The following OXR1 variants were observed in gnomAD, a reference collection of about 807,000 sequenced individuals.
OXR1 encodes the protein oxidation resistance 1.
Under a neutral mutation model 104.6 loss-of-function variants are expected in OXR1, and 41 were observed. That is an observed-to-expected ratio of 0.39 (90% CI 0.31 to 0.51). The LOEUF (loss-of-function observed/expected upper bound fraction) is 0.51, where lower values mean the gene tolerates loss of function less well. Among genes scored for constraint, OXR1 ranks in the 20% least tolerant of loss-of-function variants. The pLI, the probability that OXR1 is intolerant of heterozygous loss-of-function variation, is 0.77. For missense variants in OXR1, 955 were observed against 1,031.9 expected, an observed-to-expected ratio of 0.93 and a Z score of 1.02; for synonymous variants, 348 against 348.4, an observed-to-expected ratio of 1.00 and a Z score of 0.01.
At chr8:106,317,800 A>C (rs919159050) in intron 1 of OXR1, among the ~76,000 whole-genome samples, 2 of 151,918 alleles carry the variant, frequency 1.3e-5, no homozygotes, top group Non-Finnish European at 2.9e-5. Flanking sequence ...ATTCCAAAAA[A>C]AAAAAACAAA....
chr8:106,652,501 AAAC>A (rs1409830166), intron 3 of OXR1, among the ~76,000 whole-genome samples: 21 of 152,250 alleles, frequency 1.4e-4, no homozygotes, highest in African/African-American at 5.1e-4. Context: ...TGTGGAAATT[AAAC>A]AACATACTCC....
At chr8:106,726,367 TA>T in intron 11 of OXR1, 1 of 861,022 alleles carries the variant, frequency 1.2e-6, no homozygotes, top group Non-Finnish European at 1.7e-6. Context: ...ATGGTGACAT[TA>T]TGAAAAATTA....
intron 2 of OXR1, among the ~76,000 whole-genome samples, chr8:106,377,206 C>T (rs763082416): frequency 2.2e-4 from 34 of 151,832 alleles, no homozygotes; most frequent in Non-Finnish European, 4.4e-4. Context: ...TTTTTTGAGA[C>T]AGGGTTTCCC....
intron 11 of OXR1, among the ~76,000 whole-genome samples, chr8:106,719,980 G>T (rs908986030): frequency 2.6e-5 from 4 of 151,900 alleles, no homozygotes; most frequent in African/African-American, 9.7e-5. Context: ...TAATTTTTTT[G>T]TATTTTTAGT....
intron 1 of OXR1, among the ~76,000 whole-genome samples, chr8:106,299,519 G>C (rs950765404): frequency 1.3e-5 from 2 of 152,150 alleles, no homozygotes; most frequent in African/African-American, 2.4e-5. Flanking sequence ...CAGGGCAACT[G>C]TTCCATCTGA....
intron 3 of OXR1, among the ~76,000 whole-genome samples, chr8:106,669,720 T>C (rs940099479): frequency 1.3e-5 from 2 of 152,234 alleles, no homozygotes; most frequent in African/African-American, 4.8e-5. Flanking sequence ...TAGGAGTCTT[T>C]TATTACATTA....
At chr8:106,652,463 A>G (rs1824667996) in intron 3 of OXR1, among the ~76,000 whole-genome samples, 1 of 152,114 alleles carries the variant, frequency 6.6e-6, no homozygotes, top group Non-Finnish European at 1.5e-5. Context: ...AGTCAAAAAC[A>G]CAAAGAAATT....
intron 2 of OXR1, among the ~76,000 whole-genome samples, chr8:106,437,391 G>C (rs1819621600): frequency 6.6e-6 from 1 of 152,084 alleles, no homozygotes; most frequent in African/African-American, 2.4e-5. Context: ...CAAAATAAAG[G>C]ATATTTAGCA....
At chr8:106,490,218 G>A (rs569188740) in intron 2 of OXR1, among the ~76,000 whole-genome samples, 77 of 152,282 alleles carry the variant, frequency 5.1e-4, no homozygotes, top group African/African-American at 1.7e-3. Context: ...CCTGCTTAAA[G>A]TATTTGAAAG....
chr8:106,626,593 GTT>G (rs34772744), intron 3 of OXR1, among the ~76,000 whole-genome samples: 140 of 141,902 alleles, frequency 9.9e-4, no homozygotes, highest in African/African-American at 1.4e-3. Flanking sequence ...ATTTTCTTAG[GTT>G]TTTTTTTTTT....
intron 3 of OXR1, among the ~76,000 whole-genome samples, chr8:106,631,769 C>A (rs984880236): frequency 6.6e-6 from 1 of 152,078 alleles, no homozygotes; most frequent in African/African-American, 2.4e-5. Flanking sequence ...AGATTTGATT[C>A]TAATAAGGTC....
chr8:106,555,393 A>G (rs963833609), intron 3 of OXR1, among the ~76,000 whole-genome samples: 2 of 152,154 alleles, frequency 1.3e-5, no homozygotes, highest in Non-Finnish European at 2.9e-5. Flanking sequence ...GTATTTTAAC[A>G]TTCACTCAAG....
chr8:106,688,304 T>A (rs760101520), intron 6 of OXR1, among the ~76,000 whole-genome samples: 2 of 152,084 alleles, frequency 1.3e-5, no homozygotes, highest in Non-Finnish European at 2.9e-5. Flanking sequence ...ATGCAGATAG[T>A]CATATTCTCT....
At chr8:106,626,696 C>T (rs1822199833) in intron 3 of OXR1, among the ~76,000 whole-genome samples, 1 of 151,014 alleles carries the variant, frequency 6.6e-6, no homozygotes, top group Non-Finnish European at 1.5e-5. Flanking sequence ...CTCAAAGCTG[C>T]TTTCCTGATT....
At chr8:106,615,473 A>C (rs1157296636) in intron 3 of OXR1, among the ~76,000 whole-genome samples, 2 of 151,772 alleles carry the variant, frequency 1.3e-5, no homozygotes, top group Non-Finnish European at 2.9e-5. Flanking sequence ...GGTGGCAAGC[A>C]CTTAAAGCCC....
intron 7 of OXR1, among the ~76,000 whole-genome samples, chr8:106,694,558 TTA>T (rs1270554928): frequency 7.9e-6 from 1 of 126,964 alleles, no homozygotes; most frequent in African/African-American, 3.0e-5. Flanking sequence ...ATAAATATGT[TTA>T]TATATATTTG....
chr8:106,726,111 C>A, intron 11 of OXR1: 1 of 1,380,372 alleles, frequency 7.2e-7, no homozygotes, highest in Non-Finnish European at 9.4e-7. Flanking sequence ...TCAATCAAAT[C>A]TTTGTCTCTA....
intron 2 of OXR1, among the ~76,000 whole-genome samples, chr8:106,453,315 C>G (rs1820427209): frequency 6.6e-6 from 1 of 152,160 alleles, no homozygotes; most frequent in Non-Finnish European, 1.5e-5. Flanking sequence ...AAGTGTTGGG[C>G]TAACCAAAGG....
intron 3 of OXR1, among the ~76,000 whole-genome samples, chr8:106,562,542 A>G (rs1207601223): frequency 4.6e-5 from 7 of 152,230 alleles, no homozygotes; most frequent in Admixed American, 1.3e-4. Flanking sequence ...GTTGGAAAAC[A>G]GACTTCAGGA....
Sources: allele counts gnomAD v4.1 joint callset (sites outside exome capture counted in the v4.1 genomes callset), GRCh38; gene constraint gnomAD v4.1.1; transcripts MANE v1.5; gene names NCBI Gene and HGNC (gene_info 2026-07-23, HGNC 2026-07-21).